The following GPR149 variants were observed in gnomAD, a reference collection of about 807,000 sequenced individuals.
GPR149 encodes the protein G protein-coupled receptor 149.
GPR149 carries 50 observed loss-of-function variants against 50.2 expected under a neutral mutation model. The observed-to-expected ratio is 1.00, with a 90% confidence interval of 0.79 to 1.26. The LOEUF (loss-of-function observed/expected upper bound fraction) is 1.26. Ranked by LOEUF, GPR149 falls within the 50% of genes most tolerant of loss-of-function variation. The pLI, the probability that GPR149 is intolerant of heterozygous loss-of-function variation, is 0.00. For missense variants in GPR149, 983 were observed against 895.4 expected (o/e 1.10, Z -1.25); for synonymous variants, 405 against 358.2 (o/e 1.13, Z -1.48).
chr3:154,422,594 A>G (rs1271365227), intron 2 of GPR149, among the ~76,000 whole-genome samples: 4 of 151,768 alleles, frequency 2.6e-5, no homozygotes, highest in East Asian at 1.9e-4. Context: ...AGTGTCATTC[A>G]TATGCTGATT....
intron 3 of GPR149, among the ~76,000 whole-genome samples, chr3:154,365,046 C>G (rs1051058261): frequency 6.6e-6 from 1 of 152,216 alleles, no homozygotes; most frequent in African/African-American, 2.4e-5. Context: ...AGCCACCCTG[C>G]TCCTGTGGCA....
intron 3 of GPR149, among the ~76,000 whole-genome samples, chr3:154,372,144 G>C (rs996555504): frequency 2.0e-5 from 3 of 152,176 alleles, no homozygotes; most frequent in African/African-American, 7.2e-5. Flanking sequence ...AGGGGAGACT[G>C]AGAGGAGGTT....
chr3:154,371,855 G>A (rs951554185), intron 3 of GPR149, among the ~76,000 whole-genome samples: 7 of 152,126 alleles, frequency 4.6e-5, no homozygotes, highest in East Asian at 1.9e-4. Flanking sequence ...CATCCTACTC[G>A]TTTTTGGGCC....
intron 3 of GPR149, among the ~76,000 whole-genome samples, chr3:154,339,888 C>T (rs918458607): frequency 8.6e-5 from 12 of 139,086 alleles, no homozygotes; most frequent in Admixed American, 7.4e-4. Context: ...CTCCTGAGTT[C>T]GTGCCATTCT....
chr3:154,364,934 C>T (rs772640623), intron 3 of GPR149, among the ~76,000 whole-genome samples: 5 of 152,186 alleles, frequency 3.3e-5, no homozygotes, highest in Admixed American at 3.3e-4. Flanking sequence ...TCTGTGGTGG[C>T]CCCACCTTCA....
At position 154,388,490 on chromosome 3, in the gene GPR149, T is replaced by C. The variant is rs199870890; in HGVS notation, c.1623+32549A>G. Among the ~76,000 whole-genome samples the C allele has an allele frequency of 1.6e-4, 24 of 152,306 alleles. No individual in the cohort carries two copies. The East Asian group carries it at 4.6e-3, about 29-fold the overall frequency. ...CCACTGTTCTCTTAGCTACTATTTC[T>C]GTATTTTTCTTAGTTTCTATATACT... is the stretch of plus-strand genomic sequence containing the variant. On this transcript the variant is annotated intron_variant, in intron 3 of 3. Transcript: ENST00000389740.
At position 154,336,692 on chromosome 3, in the gene GPR149, C is replaced by T. The variant is rs1227707521; in HGVS notation, c.*1007G>A. 2 of 151,896 alleles carry T rather than the reference C, an allele frequency of 1.3e-5. No individual in the cohort carries two copies. Among genetic ancestry groups the T allele is most frequent in the Non-Finnish European group, 2.9e-5 (2 of 67,888 alleles). 9.4% of individuals were successfully genotyped at this position (151,896 alleles called of 1,614,324 possible). On this transcript the variant is annotated 3_prime_UTR_variant, in exon 4 of 4. Coordinates refer to ENST00000389740, the MANE Select transcript of GPR149 (RefSeq NM_001038705.3). ...AGACAACACGTCTTTAGAGAAGAAA[C>T]AAAAAAGCAGCTAAACTTGATATAA...
intron 3 of GPR149, among the ~76,000 whole-genome samples, chr3:154,344,804 A>G (rs1713884434): frequency 6.6e-6 from 1 of 152,196 alleles, no homozygotes; most frequent in Non-Finnish European, 1.5e-5. Flanking sequence ...TCTTCCCAAC[A>G]CCATATTTCA....
chr3:154,358,600 C>A (rs993916293), intron 3 of GPR149, among the ~76,000 whole-genome samples: 1 of 152,028 alleles, frequency 6.6e-6, no homozygotes, highest in Admixed American at 6.6e-5. Flanking sequence ...AAAGCCACTA[C>A]GCAGCCTACA....
intron 3 of GPR149, chr3:154,353,441 T>G: frequency 1.0e-6 from 1 of 1,000,458 alleles, no homozygotes. Context: ...CATTAAAATC[T>G]AAATCTAACG....
At chr3:154,423,140 A>G (rs1037278878) in intron 2 of GPR149, among the ~76,000 whole-genome samples, 2 of 151,918 alleles carry the variant, frequency 1.3e-5, no homozygotes, top group Admixed American at 1.3e-4. Context: ...CACAAGGGAC[A>G]AGGGGCAGTG....
At chr3:154,365,705 T>C (rs1382030601) in intron 3 of GPR149, among the ~76,000 whole-genome samples, 1 of 152,212 alleles carries the variant, frequency 6.6e-6, no homozygotes, top group Non-Finnish European at 1.5e-5. Context: ...CCACAAAGGA[T>C]TAGGACATGA....
At chr3:154,426,873 TGTGTGTG>T (rs1712317198) in intron 2 of GPR149, among the ~76,000 whole-genome samples, 1 of 3,404 alleles carries the variant, frequency 2.9e-4, no homozygotes, top group Non-Finnish European at 1.0e-3. Flanking sequence ...GACCAGGGCG[TGTGTGTG>T]TGTGTGTGTG....
chr3:154,366,709 T>G (rs1714540543), intron 3 of GPR149, among the ~76,000 whole-genome samples: 1 of 152,226 alleles, frequency 6.6e-6, no homozygotes, highest in African/African-American at 2.4e-5. Flanking sequence ...CTATGACCTA[T>G]AAGCCCTGGC....
chr3:154,398,784 C>G (rs1297729768), intron 3 of GPR149, among the ~76,000 whole-genome samples: 1 of 152,094 alleles, frequency 6.6e-6, no homozygotes, highest in Non-Finnish European at 1.5e-5. Flanking sequence ...GAAACCAATA[C>G]CATTTGTTCA....
At chr3:154,350,653 C>T (rs977249914) in intron 3 of GPR149, among the ~76,000 whole-genome samples, 4 of 152,024 alleles carry the variant, frequency 2.6e-5, no homozygotes, top group East Asian at 1.9e-4. Flanking sequence ...ACAAAAATCC[C>T]AGCAAGATAT....
At chr3:154,428,535 G>A in intron 1 of GPR149, 100 bp downstream of exon 1, 1 of 1,300,634 alleles carries the variant, frequency 7.7e-7, no homozygotes, top group East Asian at 2.3e-5. Flanking sequence ...ACTTCACTGT[G>A]TGTCTCTTGG....
intron 2 of GPR149, among the ~76,000 whole-genome samples, chr3:154,426,652 A>G (rs1033586790): frequency 6.6e-6 from 1 of 152,032 alleles, no homozygotes; most frequent in African/African-American, 2.4e-5. Flanking sequence ...ATTCCTCAAC[A>G]CTTTTCTTGT....
intron 3 of GPR149, chr3:154,353,088 T>G: frequency 7.0e-7 from 1 of 1,435,514 alleles, no homozygotes; most frequent in African/African-American, 1.4e-5. Flanking sequence ...ATGTAAACAC[T>G]GGGCATTCTG....
Sources: gnomAD v4.1 joint callset for allele counts (sites outside exome capture counted in the v4.1 genomes callset) on GRCh38, gnomAD v4.1.1 for gene constraint, MANE v1.5 for transcripts, NCBI Gene and HGNC (gene_info 2026-07-23, HGNC 2026-07-21) for gene names.